Variants in SYNE2 observed in about 807,000 individuals in gnomAD.
SYNE2 encodes nesprin-2.
A neutral mutation model predicts 856.3 loss-of-function variants in SYNE2; 431 were observed. The ratio of observed to expected loss-of-function variants is 0.50; its 90% confidence interval spans 0.47 to 0.55. The LOEUF (loss-of-function observed/expected upper bound fraction) is 0.55, where lower values mean the gene tolerates loss of function less well. SYNE2 is among the 20% of genes least tolerant of loss of function. SYNE2 has a pLI of 0.00. For missense variants in SYNE2, 8,129 were observed against 8,023.2 expected (o/e 1.01, Z -0.50); for synonymous variants, 2,923 against 2,872.3 (o/e 1.02, Z -0.56).
At chr14:63,976,760 T>C in intron 12 of SYNE2, 33 bp downstream of exon 12, 1 of 1,602,076 alleles carries the variant, frequency 6.2e-7, no homozygotes, top group Non-Finnish European at 8.6e-7. Context: ...TGTAGGAAAA[T>C]ACATATTTTG....
chr14:63,783,033 A>G (rs1887371920), intron 1 of SYNE2, among the ~76,000 whole-genome samples: 1 of 152,150 alleles, frequency 6.6e-6, no homozygotes. Context: ...TGCTTTAAGA[A>G]GGATATTGAT....
At chr14:64,060,955 C>G (rs1202376590) in intron 49 of SYNE2, among the ~76,000 whole-genome samples, 2 of 152,164 alleles carry the variant, frequency 1.3e-5, no homozygotes, top group Non-Finnish European at 2.9e-5. Context: ...TTTCCCTCCC[C>G]CACGTGCACG....
At chr14:63,894,537 T>G (rs1275328515) in intron 1 of SYNE2, among the ~76,000 whole-genome samples, 1 of 152,056 alleles carries the variant, frequency 6.6e-6, no homozygotes, top group African/African-American at 2.4e-5. Context: ...AAATAACATG[T>G]GTTTGCATTG....
intron 96 of SYNE2, among the ~76,000 whole-genome samples, chr14:64,179,949 C>T (rs971604322): frequency 2.6e-5 from 4 of 152,192 alleles, no homozygotes; most frequent in African/African-American, 9.6e-5. Context: ...GCAAAATCTT[C>T]ATACTAAAGT....
chr14:63,961,662 T>A lies in SYNE2; in HGVS notation c.888+37T>A, dbSNP rs201633365. On this transcript the variant is annotated intron_variant, in intron 9 of 115. Transcript: ENST00000555002. ...TATGCATAAATCAAGCTCATTTTAG[T>A]TGTATCCTGCTAATGGTTTAATTTT... 3.0e-5 allele frequency: 43 copies of A among 1,433,142 alleles called. 2 individuals carry two copies. Among genetic ancestry groups the A allele is most frequent in the African/African-American group, 2.2e-4 (16 of 71,498 alleles). The allele number at this position is 1,433,142 out of a possible 1,614,324, so 88.8% of individuals were successfully genotyped here.
chr14:64,098,623 G>A, intron 62 of SYNE2, 124 bp from the exon 63 acceptor site: 1 of 930,618 alleles, frequency 1.1e-6, no homozygotes, highest in Non-Finnish European at 1.7e-6. Flanking sequence ...CAGGCTTCTT[G>A]TGGGGGTGGG....
rs545958585 is a variant in SYNE2 at position 64,104,328 on chromosome 14, C to G, written c.12492+2286C>G. On this transcript the variant is annotated intron_variant, in intron 64 of 115. Coordinates refer to ENST00000555002, the MANE Select transcript of SYNE2 (RefSeq NM_182914.3). ...CTTTAACTTTCTTAATTCTGTTCTT[C>G]CCTGTCCCTTCTACCTCTAGTCCCT... is the stretch of plus-strand genomic sequence containing the variant. 1.8e-4 allele frequency among the ~76,000 whole-genome samples: 28 copies of G among 152,198 alleles called. No individual in the cohort carries two copies. The South Asian group carries it at 5.8e-3, about 32-fold the overall frequency.
chr14:63,949,280 G>A (rs1056085258), intron 6 of SYNE2, among the ~76,000 whole-genome samples: 16 of 151,948 alleles, frequency 1.1e-4, no homozygotes, highest in African/African-American at 3.4e-4. Flanking sequence ...TACTTTGCCT[G>A]TATAATATAA....
chr14:64,131,894 AAGTTCCACT>A (rs2098025361), intron 76 of SYNE2, among the ~76,000 whole-genome samples: 1 of 152,034 alleles, frequency 6.6e-6, no homozygotes, highest in African/African-American at 2.4e-5. Flanking sequence ...TAATTTGTTG[AAGTTCCACT>A]AGTGTTCAAA....
At position 64,007,296 on chromosome 14, in the gene SYNE2, G is replaced by A. The variant is rs537991560; in HGVS notation, c.4577+74G>A. 8 of 1,406,080 alleles carry A rather than the reference G, an allele frequency of 5.7e-6. No homozygotes were observed. The South Asian group carries it at 8.1e-5, about 14-fold the overall frequency. 87.1% of individuals were successfully genotyped at this position (1,406,080 alleles called of 1,614,324 possible). A position where few individuals can be genotyped will look rare whatever the true frequency, so the allele number is the denominator to read the frequency against. ...ACAATTAACTTTTTCAAACTTCTGG[G>A]TTGAAAACACATCTCCGTGGACCCA... On this transcript the variant is annotated intron_variant, in intron 31 of 115. Coordinates refer to ENST00000555002, the MANE Select transcript of SYNE2 (RefSeq NM_182914.3).
intron 57 of SYNE2, chr14:64,087,338 C>A: frequency 6.1e-6 from 3 of 491,200 alleles, no homozygotes; most frequent in Middle Eastern, 3.4e-4. Flanking sequence ...ATTTTGACAT[C>A]TTAAATTTGA....
intron 30 of SYNE2, among the ~76,000 whole-genome samples, chr14:64,004,639 C>T (rs1164823274): frequency 6.6e-6 from 1 of 152,072 alleles, no homozygotes; most frequent in Admixed American, 6.5e-5. Flanking sequence ...CTCTTCCCCC[C>T]TTTCTAAATC....
intron 1 of SYNE2, among the ~76,000 whole-genome samples, chr14:63,782,501 A>G (rs115324912): frequency 0.013 from 1,925 of 151,142 alleles, 38 homozygotes; most frequent in African/African-American, 0.044. Flanking sequence ...AGTGACTGGA[A>G]CACATCAAAA....
chr14:63,837,236 A>C (rs1356121605), intron 1 of SYNE2, among the ~76,000 whole-genome samples: 2 of 152,238 alleles, frequency 1.3e-5, no homozygotes, highest in African/African-American at 4.8e-5. Context: ...ACAATTGAAT[A>C]TTCAGATGCA....
intron 65 of SYNE2, among the ~76,000 whole-genome samples, chr14:64,111,750 A>G (rs2153655589): frequency 6.6e-6 from 1 of 152,242 alleles, no homozygotes; most frequent in African/African-American, 2.4e-5. Flanking sequence ...GTGAGCCGAG[A>G]TCATGCCACT....
intron 49 of SYNE2, among the ~76,000 whole-genome samples, chr14:64,060,344 G>C (rs1215404528): frequency 6.6e-6 from 1 of 151,734 alleles, no homozygotes; most frequent in Non-Finnish European, 1.5e-5. Flanking sequence ...GGGCCCTAGG[G>C]CTCTTTAGTC....
At chr14:64,155,984 C>T (rs760189806) in intron 85 of SYNE2, among the ~76,000 whole-genome samples, 2 of 152,086 alleles carry the variant, frequency 1.3e-5, no homozygotes, top group East Asian at 1.9e-4. Context: ...CTCTAAGCCT[C>T]GATTTTCTGG....
At chr14:64,113,275 C>T in intron 65 of SYNE2, 66 bp from the exon 66 acceptor site, 2 of 1,610,924 alleles carry the variant, frequency 1.2e-6, no homozygotes, top group Non-Finnish European at 1.7e-6. Flanking sequence ...TTGCAGGTTC[C>T]CAGGTCTTTG....
intron 105 of SYNE2, 48 bp from the exon 106 acceptor site, chr14:64,214,146 A>G: frequency 6.2e-7 from 1 of 1,614,058 alleles, no homozygotes. Flanking sequence ...TTCTAATTGC[A>G]GAAGCCTATG....
Sources: gnomAD v4.1 joint callset for allele counts (sites outside exome capture counted in the v4.1 genomes callset) on GRCh38, gnomAD v4.1.1 for gene constraint, MANE v1.5 for transcripts, NCBI Gene and HGNC (gene_info 2026-07-23, HGNC 2026-07-21) for gene names.